Variants in ADPRHL1 observed in about 807,000 individuals in gnomAD.
ADPRHL1 encodes ADP-ribosylhydrolase like 1.
In ADPRHL1, 43 loss-of-function variants were observed where a neutral mutation model predicts 44.1. That is an observed-to-expected ratio of 0.98 (90% confidence interval 0.76 to 1.26). The LOEUF is 1.26. Ranked by LOEUF, ADPRHL1 falls within the 50% of genes most tolerant of loss-of-function variation. The probability of loss-of-function intolerance (pLI) is 0.00; values close to 1 mark genes in which losing one functional copy is unlikely to be tolerated. For missense variants in ADPRHL1, 2,022 were observed against 2,496.9 expected, an observed-to-expected ratio of 0.81 and a Z score of 4.05; for synonymous variants, 878 against 1,017.4, an observed-to-expected ratio of 0.86 and a Z score of 2.61.
intron 7 of ADPRHL1, 96 bp from the exon 8 acceptor site, chr13:113,408,316 G>C (rs2139597422): frequency 8.3e-7 from 1 of 1,207,180 alleles, no homozygotes; most frequent in Non-Finnish European, 1.0e-6. Context: ...ACCTTTTCAG[G>C]GGCCCCAAAA....
chr13:113,452,297 G>A (rs917349144), intron 1 of ADPRHL1, among the ~76,000 whole-genome samples: 3 of 152,290 alleles, frequency 2.0e-5, no homozygotes, highest in African/African-American at 4.8e-5. Flanking sequence ...TTATCTTATC[G>A]CCGGCGCTTC....
At chr13:113,439,563 T>C (rs2044083884) in intron 2 of ADPRHL1, among the ~76,000 whole-genome samples, 1 of 152,086 alleles carries the variant, frequency 6.6e-6, no homozygotes, top group South Asian at 2.1e-4. Flanking sequence ...TTCTCCTGCT[T>C]CGGCCTCCTG....
At chr13:113,449,014 C>T in intron 1 of ADPRHL1, 2 of 986,444 alleles carry the variant, frequency 2.0e-6, no homozygotes, top group Non-Finnish European at 2.4e-6. Flanking sequence ...AAACGCTTGC[C>T]AAGTGACTTG....
At chr13:113,421,193 ACCCC>A (rs2043917597) in intron 7 of ADPRHL1, among the ~76,000 whole-genome samples, 2 of 77,374 alleles carry the variant, frequency 2.6e-5, no homozygotes, top group Non-Finnish European at 5.0e-5. Context: ...CCCCTGGGAC[ACCCC>A]TACCCCCGGG....
In ADPRHL1 at chr13:113,400,731, G is replaced by A. The variant is rs543178635; in HGVS notation, c.*2647C>T. The A allele has an allele frequency of 5.6e-4, 85 of 152,338 alleles. No homozygotes were observed. Among genetic ancestry groups the A allele is most frequent in the African/African-American group, 1.9e-3 (78 of 41,568 alleles). 9.4% of individuals were successfully genotyped at this position (152,338 alleles called of 1,614,324 possible). A position where few individuals can be genotyped will look rare whatever the true frequency, so the allele number is the denominator to read the frequency against. ...TTCCTGCACACAGAGTAGCTGTGCT[G>A]TTTTTGAGCTGAGGGCAGTGTCATG... On this transcript the variant is annotated 3_prime_UTR_variant, in exon 8 of 8. Transcript: ENST00000612156.
At chr13:113,447,487 G>A (rs1484651846) in intron 1 of ADPRHL1, among the ~76,000 whole-genome samples, 1 of 151,436 alleles carries the variant, frequency 6.6e-6, no homozygotes, top group Non-Finnish European at 1.5e-5. Flanking sequence ...TGTTGTGTGT[G>A]CATGGTGTCT....
intron 7 of ADPRHL1, among the ~76,000 whole-genome samples, chr13:113,411,051 T>C (rs1230119675): frequency 3.9e-5 from 6 of 152,164 alleles, no homozygotes; most frequent in Admixed American, 3.9e-4. Flanking sequence ...GCTGACTGCT[T>C]GTGGTGGGGA....
Position 113,441,793 on chromosome 13 carries a change from T to C in ADPRHL1, c.379+2632A>G, listed in dbSNP as rs1475814302. Among the ~76,000 whole-genome samples, 2 of 152,076 alleles carry C rather than the reference T, an allele frequency of 1.3e-5. No individual in the cohort carries two copies. The highest frequency in any genetic ancestry group is 1.9e-4 in the East Asian group (1 of 5,188). On this transcript the variant is annotated intron_variant, in intron 2 of 7. Coordinates refer to ENST00000612156, the MANE Select transcript of ADPRHL1 (RefSeq NM_001394807.1). The surrounding 1 kb of genome is among the most constrained non-coding windows in gnomAD (Gnocchi z 6.0). ...GCCCCGCCGTGTGGGTCTGTGTCTCTATCACGCTTTACTCCACCACACGGG... is the reference window on the plus strand; with the variant it reads ...GCCCCGCCGTGTGGGTCTGTGTCTCCATCACGCTTTACTCCACCACACGGG...
intron 7 of ADPRHL1, among the ~76,000 whole-genome samples, chr13:113,417,314 T>TC (rs1448743927): frequency 6.6e-6 from 1 of 151,878 alleles, no homozygotes; most frequent in East Asian, 1.9e-4. Context: ...AGAGCCAGAG[T>TC]GGGGGGTCCT....
chr13:113,453,090 T>TAGC lies in ADPRHL1; in HGVS notation c.214+131_214+133dup. The TAGC allele has an allele frequency of 1.1e-6, 1 of 911,646 alleles. No individual in the cohort carries two copies. Among genetic ancestry groups the TAGC allele is most frequent in the East Asian group, 2.6e-5 (1 of 37,838 alleles). 56.5% of individuals were successfully genotyped at this position (911,646 alleles called of 1,614,324 possible). ...GACACTCAGATTAAATTGCCACTTT[T>TAGC]AGCAGCGGTATCAGGTAACACCATC... On this transcript the variant is annotated intron_variant, in intron 1 of 7. Transcript: ENST00000612156. The surrounding 1 kb of genome is among the most constrained non-coding windows in gnomAD (Gnocchi z 5.4).
At chr13:113,443,921 T>TA (rs2044116974) in intron 2 of ADPRHL1, among the ~76,000 whole-genome samples, 1 of 149,226 alleles carries the variant, frequency 6.7e-6, no homozygotes, top group South Asian at 2.1e-4. Context: ...CCAGCCTAGA[T>TA]GGCAGAGCAA....
rs1213523339 is a variant in ADPRHL1, at chr13:113,402,586, G to C, written c.*792C>G. 1 of 152,762 alleles carries C rather than the reference G, an allele frequency of 6.5e-6. No individual in the cohort carries two copies. Among genetic ancestry groups the C allele is most frequent in the East Asian group, 1.9e-4 (1 of 5,202 alleles). 9.5% of individuals were successfully genotyped at this position (152,762 alleles called of 1,614,324 possible). A position where few individuals can be genotyped will look rare whatever the true frequency, so the allele number is the denominator to read the frequency against. Reference sequence around the variant, plus strand: ...GTGGCACCACCCACAGGGACTGCAGGGAAGGGCGGGCAGGCTCCCGTTCGT... The same window carrying C: ...GTGGCACCACCCACAGGGACTGCAGCGAAGGGCGGGCAGGCTCCCGTTCGT... On this transcript the variant is annotated 3_prime_UTR_variant, in exon 8 of 8. Transcript: ENST00000612156.
intron 1 of ADPRHL1, among the ~76,000 whole-genome samples, chr13:113,452,653 T>C (rs1422612366): frequency 6.6e-6 from 1 of 152,216 alleles, no homozygotes; most frequent in East Asian, 1.9e-4. Flanking sequence ...GTTTATGTCA[T>C]TTTCTTAGAA....
At chr13:113,434,601 CAGGTGTAGAGTGA>C in intron 2 of ADPRHL1, among the ~76,000 whole-genome samples, 1 of 144,686 alleles carries the variant, frequency 6.9e-6, no homozygotes, top group Non-Finnish European at 1.5e-5. Context: ...ACCCGGCACC[CAGGTGTAGAGTGA>C]ACATAGGTGT....
Position 113,404,825 on chromosome 13 carries a change from C to A in ADPRHL1, c.4457G>T (p.Gly1486Val). 1 of 1,250,900 alleles carries A rather than the reference C, an allele frequency of 8.0e-7. No individual in the cohort carries two copies. Among genetic ancestry groups the A allele is most frequent in the South Asian group, 3.6e-5 (1 of 28,060 alleles). The allele number at this position is 1,250,900 out of a possible 1,614,324, so 77.5% of individuals were successfully genotyped here. A position where few individuals can be genotyped will look rare whatever the true frequency, so the allele number is the denominator to read the frequency against. ...PEGPGSPAAQ[G>V]QAQKQVQEWD... ...TTCCTGAACCTGTTTCTGGGCCTGT[C>A]CTTGGGCTGCCGGGCTTCCCGGCCC... Residue 1486 changes from glycine to valine, a missense_variant, in exon 8 of 8, where the codon GGA becomes GTA. Gly to Val is a moderately radical substitution (Grantham distance 109). Coordinates refer to ENST00000612156, the MANE Select transcript of ADPRHL1 (RefSeq NM_001394807.1).
intron 2 of ADPRHL1, among the ~76,000 whole-genome samples, chr13:113,439,772 A>G (rs2044085295): frequency 6.6e-6 from 1 of 152,148 alleles, no homozygotes; most frequent in Non-Finnish European, 1.5e-5. Context: ...ATAAGATGTA[A>G]TACTATTTAG....
At position 113,403,233 on chromosome 13, in the gene ADPRHL1, C is replaced by T; in HGVS notation, c.*145G>A. ...TGTAGCTCAATCCTCCCAAGGTCAG[C>T]TTGTGAAGAAGGGAAAGAAAATTAT... On this transcript the variant is annotated 3_prime_UTR_variant, in exon 8 of 8. Coordinates refer to ENST00000612156, the MANE Select transcript of ADPRHL1 (RefSeq NM_001394807.1). 1 of 718,590 alleles carries T rather than the reference C, an allele frequency of 1.4e-6. No individual in the cohort carries two copies. 44.5% of individuals were successfully genotyped at this position (718,590 alleles called of 1,614,324 possible).
At chr13:113,431,276 A>G (rs1406642185) in intron 3 of ADPRHL1, among the ~76,000 whole-genome samples, 1 of 152,018 alleles carries the variant, frequency 6.6e-6, no homozygotes, top group Non-Finnish European at 1.5e-5. Flanking sequence ...GTGAACGGCC[A>G]CTCAACACGG....
rs2095710679 is a variant in ADPRHL1, at chr13:113,453,163, G to A, written c.214+61C>T. 4.4e-6 allele frequency: 7 copies of A among 1,579,816 alleles called. No homozygotes were observed. The highest frequency in any genetic ancestry group is 1.1e-5 in the South Asian group (1 of 89,984). Reference sequence around the variant, plus strand: ...CAAAGCTCTCGGAGGCTTACTGGGAGAACTCGAGCAGCCAGTGTTCCCTCC... The same window carrying A: ...CAAAGCTCTCGGAGGCTTACTGGGAAAACTCGAGCAGCCAGTGTTCCCTCC... On this transcript the variant is annotated intron_variant, in intron 1 of 7. Transcript: ENST00000612156. This position sits in a 1 kb window ranked among gnomAD's most constrained non-coding sequence, Gnocchi z 5.4.
Sources: allele counts gnomAD v4.1 joint callset (sites outside exome capture counted in the v4.1 genomes callset), GRCh38; gene constraint gnomAD v4.1.1; non-coding constraint Gnocchi (gnomAD v3.1); transcripts MANE v1.5; gene names NCBI Gene and HGNC (gene_info 2026-07-23, HGNC 2026-07-21).